AGBL4: variants seen among roughly 807,000 people sequenced by gnomAD.
AGBL4 encodes cytosolic carboxypeptidase 6.
AGBL4 carries 58 observed loss-of-function variants against 66.4 expected under a neutral mutation model. The observed-to-expected ratio is 0.87, with a 90% CI of 0.71 to 1.09. AGBL4 has a LOEUF of 1.09. AGBL4 is among the 50% of genes least tolerant of loss of function. The pLI, the probability that AGBL4 is intolerant of heterozygous loss-of-function variation, is 0.00. For missense variants in AGBL4, 579 were observed against 631.0 expected, an observed-to-expected ratio of 0.92 and a Z score of 0.88; for synonymous variants, 234 against 222.9, an observed-to-expected ratio of 1.05 and a Z score of -0.44.
At chr1:49,092,228 G>A (rs1645015671) in intron 4 of AGBL4, among the ~76,000 whole-genome samples, 1 of 152,066 alleles carries the variant, frequency 6.6e-6, no homozygotes, top group Non-Finnish European at 1.5e-5. Flanking sequence ...CATCCTATTG[G>A]TCTGTTTCTC....
intron 3 of AGBL4, among the ~76,000 whole-genome samples, chr1:49,455,903 G>A (rs1646378384): frequency 6.6e-6 from 1 of 151,566 alleles, no homozygotes; most frequent in African/African-American, 2.4e-5. Context: ...TTCTAAAATA[G>A]TTCCCTTTCC....
intron 3 of AGBL4, among the ~76,000 whole-genome samples, chr1:49,564,490 C>G (rs1376649766): frequency 3.3e-5 from 5 of 152,146 alleles, no homozygotes; most frequent in Admixed American, 1.3e-4. Flanking sequence ...GTGTCCCAGA[C>G]ATTCTGGTAT....
At chr1:49,802,171 A>G (rs943902998) in intron 2 of AGBL4, among the ~76,000 whole-genome samples, 1 of 152,170 alleles carries the variant, frequency 6.6e-6, no homozygotes, top group Non-Finnish European at 1.5e-5. Flanking sequence ...GAGTTTTCAC[A>G]TCACCAAGAT....
At chr1:49,556,692 C>T (rs1643906521) in intron 3 of AGBL4, among the ~76,000 whole-genome samples, 1 of 152,036 alleles carries the variant, frequency 6.6e-6, no homozygotes, top group African/African-American at 2.4e-5. Context: ...GCCTGCTAGT[C>T]CAGTGCTAGG....
intron 1 of AGBL4, among the ~76,000 whole-genome samples, chr1:49,873,900 A>C (rs1318871932): frequency 6.6e-6 from 1 of 152,170 alleles, no homozygotes; most frequent in Non-Finnish European, 1.5e-5. Context: ...TGTAAAATTT[A>C]TATGGGAACT....
intron 1 of AGBL4, among the ~76,000 whole-genome samples, chr1:49,937,051 A>C (rs1044124446): frequency 1.3e-5 from 2 of 152,160 alleles, no homozygotes; most frequent in African/African-American, 4.8e-5. Context: ...TGGCAAATTG[A>C]ATAAAGAGTC....
intron 2 of AGBL4, among the ~76,000 whole-genome samples, chr1:49,724,040 G>A (rs1558193391): frequency 6.6e-6 from 1 of 152,022 alleles, no homozygotes; most frequent in South Asian, 2.1e-4. Flanking sequence ...AATGATTAGG[G>A]ATAAAAGATC....
intron 6 of AGBL4, among the ~76,000 whole-genome samples, chr1:48,794,245 A>G (rs1645616387): frequency 6.6e-6 from 1 of 152,178 alleles, no homozygotes. Context: ...TTCAAGGAGC[A>G]CCTGCCCCAT....
intron 2 of AGBL4, among the ~76,000 whole-genome samples, chr1:49,843,922 T>C (rs1646068774): frequency 6.6e-6 from 1 of 152,182 alleles, no homozygotes; most frequent in African/African-American, 2.4e-5. Flanking sequence ...AAGGGAGTCC[T>C]GCCAGGAAGC....
intron 3 of AGBL4, among the ~76,000 whole-genome samples, chr1:49,438,432 G>A (rs948215845): frequency 6.6e-6 from 1 of 152,164 alleles, no homozygotes; most frequent in Admixed American, 6.5e-5. Context: ...TCCTTGGCAG[G>A]AAACAGTTAG....
intron 1 of AGBL4, among the ~76,000 whole-genome samples, chr1:49,934,653 AAGT>A (rs2148273038): frequency 6.6e-6 from 1 of 152,300 alleles, no homozygotes; most frequent in East Asian, 1.9e-4. Context: ...GATGCAACAA[AAGT>A]GGTTCTCAGA....
chr1:48,692,959 A>G (rs58616894), intron 6 of AGBL4, among the ~76,000 whole-genome samples: 3,417 of 152,274 alleles, frequency 0.022, 133 homozygotes, highest in African/African-American at 0.077. Flanking sequence ...AATCTTCTGA[A>G]TAACCCTATC....
At chr1:49,709,218 G>A (rs189484265) in intron 2 of AGBL4, among the ~76,000 whole-genome samples, 3 of 152,316 alleles carry the variant, frequency 2.0e-5, no homozygotes, top group Admixed American at 6.5e-5. Flanking sequence ...ATAAGCCCCC[G>A]ACTGGGGCTG....
chr1:48,597,617 A>C (rs1233789537), intron 9 of AGBL4, among the ~76,000 whole-genome samples: 1 of 150,948 alleles, frequency 6.6e-6, no homozygotes, highest in Non-Finnish European at 1.5e-5. Context: ...GTCTTTCAAA[A>C]AGGAAATGGA....
chr1:49,464,746 T>A (rs567036253), intron 3 of AGBL4, among the ~76,000 whole-genome samples: 1 of 151,356 alleles, frequency 6.6e-6, no homozygotes, highest in South Asian at 2.1e-4. Context: ...AAGCCACGAA[T>A]AGAAAAAAAA....
At chr1:49,185,058 C>G (rs1452876003) in intron 4 of AGBL4, among the ~76,000 whole-genome samples, 2 of 152,074 alleles carry the variant, frequency 1.3e-5, no homozygotes, top group African/African-American at 4.8e-5. Context: ...TGCTGTTTTC[C>G]CATTTTACAG....
intron 3 of AGBL4, among the ~76,000 whole-genome samples, chr1:49,302,605 A>AT (rs1229648131): frequency 1.2e-5 from 1 of 84,434 alleles, no homozygotes; most frequent in Non-Finnish European, 3.0e-5. Flanking sequence ...ATTTTATTTT[A>AT]TTTTTTTATT....
chr1:49,240,543 T>C (rs2148318687), intron 4 of AGBL4, among the ~76,000 whole-genome samples: 1 of 133,588 alleles, frequency 7.5e-6, no homozygotes, highest in Admixed American at 8.8e-5. Flanking sequence ...TTCATGACAC[T>C]GCATTTTCTT....
chr1:48,657,832 A>C (rs1646044883), intron 7 of AGBL4, among the ~76,000 whole-genome samples: 1 of 152,214 alleles, frequency 6.6e-6, no homozygotes, highest in South Asian at 2.1e-4. Flanking sequence ...AGTTATAGAA[A>C]AATAAGAAAG....
Sources: allele counts gnomAD v4.1 joint callset (sites outside exome capture counted in the v4.1 genomes callset), GRCh38; gene constraint gnomAD v4.1.1; transcripts MANE v1.5; gene names NCBI Gene and HGNC (gene_info 2026-07-23, HGNC 2026-07-21).